The following OCA2 variants were observed in gnomAD, a reference collection of about 807,000 sequenced individuals.
OCA2 encodes OCA2 melanosomal transmembrane protein, also known as P protein.
A neutral mutation model predicts 100.2 loss-of-function variants in OCA2; 77 were observed. The observed-to-expected ratio is 0.77, with a 90% CI of 0.64 to 0.93. The LOEUF (loss-of-function observed/expected upper bound fraction) is 0.93, where lower values mean the gene tolerates loss of function less well. OCA2 is among the 40% of genes least tolerant of loss of function. OCA2 has a pLI of 0.00. For synonymous variants in OCA2, 432 were observed against 439.2 expected, an observed-to-expected ratio of 0.98 and a Z score of 0.21; for missense variants, 1,062 against 1,089.1, an observed-to-expected ratio of 0.98 and a Z score of 0.35.
chr15:28,018,000 C>T (rs1595829136), intron 7 of OCA2, among the ~76,000 whole-genome samples: 1 of 152,020 alleles, frequency 6.6e-6, no homozygotes, highest in Non-Finnish European at 1.5e-5. Context: ...AACGTAGGCA[C>T]TGTCTTAGCA....
intron 9 of OCA2, among the ~76,000 whole-genome samples, chr15:28,001,537 C>T (rs891250122): frequency 6.6e-6 from 1 of 152,126 alleles, no homozygotes; most frequent in African/African-American, 2.4e-5. Context: ...TTTAATTCTA[C>T]ATTTCTCATT....
intron 13 of OCA2, among the ~76,000 whole-genome samples, chr15:27,983,788 G>A (rs1249173357): frequency 6.6e-6 from 1 of 152,000 alleles, no homozygotes; most frequent in African/African-American, 2.4e-5. Context: ...GGGCAGGGCA[G>A]GCCCTCCACA....
rs79885261 is a variant in OCA2, at chr15:27,920,284, C to T, written c.2079+5843G>A. Among the ~76,000 whole-genome samples, 491 of 152,132 alleles carry T rather than the reference C, an allele frequency of 3.2e-3. 2 individuals carry two copies. Among genetic ancestry groups the T allele is most frequent in the African/African-American group, 0.011 (474 of 41,510 alleles). ...AAAAGATGGAAAAAGGTAGACCACA[C>T]AAATAGTAACAACAACAACAAAAAA... On this transcript the variant is annotated intron_variant, in intron 19 of 23. Transcript: ENST00000354638.
chr15:27,870,626 G>A (rs2036508560), intron 21 of OCA2, among the ~76,000 whole-genome samples: 1 of 149,350 alleles, frequency 6.7e-6, no homozygotes, highest in South Asian at 2.1e-4. Context: ...CGCAAATGAA[G>A]ATGCAAGTCT....
chr15:27,936,441 A>C (rs1401924501), intron 18 of OCA2, among the ~76,000 whole-genome samples: 2 of 152,234 alleles, frequency 1.3e-5, no homozygotes, highest in Non-Finnish European at 1.5e-5. Flanking sequence ...CTCTCAAGAG[A>C]AAACTCCCAT....
At position 27,926,130 on chromosome 15, in the gene OCA2, C is replaced by T. The variant is rs1377631663; in HGVS notation, c.2076G>A (p.Met692Ile). ...LLFFAALFVL[M>I]EALAHLHLIE... is the part of the protein sequence containing the mutation. Reference sequence around the variant, plus strand: ...GGCAAAAGTTCTAAAATCTTACCTCCATCAGAACAAAGAGCGCTGCAAAAA... The same window carrying T: ...GGCAAAAGTTCTAAAATCTTACCTCTATCAGAACAAAGAGCGCTGCAAAAA... Residue 692 changes from methionine (M) to isoleucine (I), a missense_variant, in exon 19 of 24, where the codon ATG (methionine) becomes ATA (isoleucine). Transcript: ENST00000354638. The T allele has an allele frequency of 6.2e-7, 1 of 1,614,062 alleles. No homozygotes were observed. The highest frequency in any genetic ancestry group is 2.2e-5 in the East Asian group (1 of 44,848).
chr15:28,055,455 A>G (rs932593576), intron 2 of OCA2, among the ~76,000 whole-genome samples: 5 of 152,232 alleles, frequency 3.3e-5, no homozygotes, highest in Non-Finnish European at 5.9e-5. Context: ...AGAACCGCTC[A>G]TTGCAGAAGT....
intron 4 of OCA2, among the ~76,000 whole-genome samples, 161 bp from the exon 5 acceptor site, chr15:28,025,063 G>A (rs1270589627): frequency 2.6e-5 from 4 of 152,160 alleles, no homozygotes; most frequent in Non-Finnish European, 5.9e-5. Flanking sequence ...TCAGTGACCA[G>A]TAAACCCACA....
At chr15:27,960,159 T>C (rs1426892272) in intron 15 of OCA2, among the ~76,000 whole-genome samples, 2 of 152,220 alleles carry the variant, frequency 1.3e-5, no homozygotes, top group East Asian at 1.9e-4. Flanking sequence ...GTTTCTCTCC[T>C]ACCCTTACCT....
intron 23 of OCA2, among the ~76,000 whole-genome samples, chr15:27,791,587 G>A (rs971425672): frequency 1.1e-4 from 17 of 152,278 alleles, no homozygotes; most frequent in Admixed American, 7.2e-4. Context: ...CTATGTATGT[G>A]GCTACGGATT....
chr15:28,055,205 T>C (rs2043651999), intron 2 of OCA2, among the ~76,000 whole-genome samples: 1 of 152,216 alleles, frequency 6.6e-6, no homozygotes, highest in African/African-American at 2.4e-5. Flanking sequence ...ATCTGGGACT[T>C]TCCTGTTATT....
At chr15:27,938,264 G>A (rs1230369193) in intron 18 of OCA2, among the ~76,000 whole-genome samples, 1 of 152,132 alleles carries the variant, frequency 6.6e-6, no homozygotes, top group African/African-American at 2.4e-5. Flanking sequence ...TGCAGGAGGG[G>A]AAGAAGATAC....
At chr15:27,805,034 T>C (rs1420886155) in intron 23 of OCA2, among the ~76,000 whole-genome samples, 2 of 152,172 alleles carry the variant, frequency 1.3e-5, no homozygotes, top group African/African-American at 4.8e-5. Context: ...ATTGTGCCTG[T>C]CATCAATGCC....
chr15:28,031,033 C>T (rs2042894079), intron 3 of OCA2, among the ~76,000 whole-genome samples: 2 of 152,250 alleles, frequency 1.3e-5, no homozygotes, highest in African/African-American at 4.8e-5. Context: ...CACACAAAGA[C>T]CTCATGACTA....
intron 18 of OCA2, among the ~76,000 whole-genome samples, chr15:27,942,738 T>C (rs1381618408): frequency 6.6e-6 from 1 of 152,224 alleles, no homozygotes; most frequent in Non-Finnish European, 1.5e-5. Context: ...TTCAGTGTTA[T>C]GATGAAATTT....
chr15:27,824,596 CTCTCTCTA>C (rs1466644615), intron 23 of OCA2, among the ~76,000 whole-genome samples: 10 of 42,192 alleles, frequency 2.4e-4, no homozygotes, highest in African/African-American at 1.9e-3. Flanking sequence ...CTCTCTCTCT[CTCTCTCTA>C]TATATATATA....
intron 2 of OCA2, among the ~76,000 whole-genome samples, chr15:28,054,596 C>A (rs914860377): frequency 4.6e-5 from 7 of 152,144 alleles, no homozygotes; most frequent in South Asian, 2.1e-4. Context: ...CATAGAGATA[C>A]CCCTCTCCCA....
At chr15:28,093,421 A>AAAG (rs997864996) in intron 1 of OCA2, among the ~76,000 whole-genome samples, 2 of 151,986 alleles carry the variant, frequency 1.3e-5, no homozygotes, top group African/African-American at 4.8e-5. Context: ...CAAAAAAAAA[A>AAAG]AAAGAAAGAA....
intron 1 of OCA2, among the ~76,000 whole-genome samples, chr15:28,088,293 A>G (rs1038281623): frequency 3.9e-5 from 6 of 152,232 alleles, no homozygotes; most frequent in African/African-American, 1.4e-4. Context: ...TGATGTGTTT[A>G]TTAATGTATG....
Sources: gnomAD v4.1 joint callset for allele counts (sites outside exome capture counted in the v4.1 genomes callset) on GRCh38, gnomAD v4.1.1 for gene constraint, MANE v1.5 for transcripts, NCBI Gene and HGNC (gene_info 2026-07-23, HGNC 2026-07-21) for gene names.